Variants in CHKA observed in about 807,000 individuals in gnomAD.
The protein encoded by CHKA is CHETK-alpha.
In CHKA, 34 loss-of-function variants were observed where a neutral mutation model predicts 60.1. The ratio of observed to expected loss-of-function variants is 0.57; its 90% CI spans 0.43 to 0.75. The LOEUF is 0.75. Among genes scored for constraint, CHKA ranks in the 30% least tolerant of loss-of-function variants. CHKA has a pLI of 0.00. For synonymous variants in CHKA, 217 were observed against 223.1 expected (o/e 0.97, Z 0.24); for missense variants, 563 against 561.3 (o/e 1.00, Z -0.03).
chr11:68,060,614 A>G (rs1453878637), intron 11 of CHKA, among the ~76,000 whole-genome samples: 1 of 152,198 alleles, frequency 6.6e-6, no homozygotes, highest in African/African-American at 2.4e-5. Context: ...ACCGGCCGAG[A>G]TCACCAACTT....
At chr11:68,075,223 T>C (rs1196020494) in intron 3 of CHKA, among the ~76,000 whole-genome samples, 1 of 152,174 alleles carries the variant, frequency 6.6e-6, no homozygotes, top group African/African-American at 2.4e-5. Context: ...GATTTGCTTT[T>C]GGTTGAGTGT....
intron 7 of CHKA, among the ~76,000 whole-genome samples, chr11:68,068,440 C>T (rs1185025583): frequency 2.7e-5 from 4 of 147,008 alleles, no homozygotes; most frequent in Non-Finnish European, 4.5e-5. Context: ...TTTTTTTTAA[C>T]AGGATCTTGC....
At chr11:68,059,025 T>C (rs926577507) in intron 11 of CHKA, among the ~76,000 whole-genome samples, 1 of 152,170 alleles carries the variant, frequency 6.6e-6, no homozygotes, top group Non-Finnish European at 1.5e-5. Context: ...GTTTCCTGAG[T>C]AGCTGGGATT....
chr11:68,054,288 G>A (rs886181206), intron 11 of CHKA, among the ~76,000 whole-genome samples: 1 of 152,198 alleles, frequency 6.6e-6, no homozygotes, highest in Non-Finnish European at 1.5e-5. Flanking sequence ...TTATAGGCAT[G>A]GGCCAGCCCA....
intron 1 of CHKA, among the ~76,000 whole-genome samples, chr11:68,109,563 G>A (rs973884159): frequency 1.3e-5 from 2 of 152,272 alleles, no homozygotes; most frequent in African/African-American, 2.4e-5. Flanking sequence ...TAAGCGGGGA[G>A]GAGAACTAAG....
intron 1 of CHKA, among the ~76,000 whole-genome samples, chr11:68,113,135 AC>A (rs1201247040): frequency 1.3e-5 from 2 of 149,852 alleles, no homozygotes; most frequent in African/African-American, 2.4e-5. Flanking sequence ...AAAAAAAAAA[AC>A]AATTAAATTA....
chr11:68,073,938 C>T (rs551014665), intron 4 of CHKA, among the ~76,000 whole-genome samples: 2 of 152,288 alleles, frequency 1.3e-5, no homozygotes, highest in Admixed American at 1.3e-4. Flanking sequence ...GAAGAGAGTG[C>T]AGGCTGACAA....
At chr11:68,117,635 C>T (rs746425389) in intron 1 of CHKA, among the ~76,000 whole-genome samples, 2 of 151,740 alleles carry the variant, frequency 1.3e-5, no homozygotes, top group Non-Finnish European at 2.9e-5. Flanking sequence ...TGCAGCTAGC[C>T]GAGATCACAC....
intron 11 of CHKA, among the ~76,000 whole-genome samples, chr11:68,057,336 T>C (rs1490399399): frequency 2.0e-5 from 3 of 152,250 alleles, no homozygotes; most frequent in Non-Finnish European, 4.4e-5. Flanking sequence ...TTTTTCTTTT[T>C]TGAGACGGAG....
rs765529707 is a variant in CHKA, at chr11:68,097,060, G to C, written c.421C>G (p.Arg141Gly). 6.2e-7 allele frequency: 1 copy of C among 1,613,636 alleles called. No homozygotes were observed. The highest frequency in any genetic ancestry group is 8.5e-7 in the Non-Finnish European group (1 of 1,179,814). ...DTTATLGDEP[R>G]KVLLRLYGAI... ...CCATACAGCCGCAGGAGCACTTTCC[G>C]AGGCTCATCACCAAGGGTGGCTGTG... The change falls in exon 2 of 12, where the codon CGG becomes GGG. Residue 141 changes from arginine to glycine, a missense_variant. Physicochemically the swap from Arg to Gly is moderately radical, Grantham distance 125 (BLOSUM62 -2). Transcript: ENST00000265689.
Position 68,053,738 on chromosome 11 carries a change from A to G in CHKA, c.*250T>C. 2.4e-6 allele frequency: 1 copy of G among 419,592 alleles called. No individual in the cohort carries two copies. Among genetic ancestry groups the G allele is most frequent in the African/African-American group, 2.0e-5 (1 of 49,436 alleles). The allele number at this position is 419,592 out of a possible 1,614,324, so 26.0% of individuals were successfully genotyped here. A position where few individuals can be genotyped will look rare whatever the true frequency, so the allele number is the denominator to read the frequency against. On this transcript the variant is annotated 3_prime_UTR_variant, in exon 12 of 12. Coordinates refer to ENST00000265689, the MANE Select transcript of CHKA (RefSeq NM_001277.3). ...TGCCTTCTCTAGATTAAAAGGATTC[A>G]GAGATGTTGCACTATTGCACTATAT...
chr11:68,057,326 T>C (rs1207761213), intron 11 of CHKA, among the ~76,000 whole-genome samples: 1 of 152,196 alleles, frequency 6.6e-6, no homozygotes, highest in Non-Finnish European at 1.5e-5. Context: ...AGCTTTTCTT[T>C]TTTTCTTTTT....
In CHKA at chr11:68,053,534, T is replaced by C. The variant is rs1289090937; in HGVS notation, c.*454A>G. ...TTGCAGTACATCTCTGCTCACTTGCTGTCCCTTGGGAGTGAGCACCGTCTA... is the reference window on the plus strand; with the variant it reads ...TTGCAGTACATCTCTGCTCACTTGCCGTCCCTTGGGAGTGAGCACCGTCTA... On this transcript the variant is annotated 3_prime_UTR_variant, in exon 12 of 12. Coordinates refer to ENST00000265689, the MANE Select transcript of CHKA (RefSeq NM_001277.3). 1 of 154,616 alleles carries C rather than the reference T, an allele frequency of 6.5e-6. No homozygotes were observed. The highest frequency in any genetic ancestry group is 1.9e-4 in the East Asian group (1 of 5,252). The allele number at this position is 154,616 out of a possible 1,614,324, so 9.6% of individuals were successfully genotyped here. A position where few individuals can be genotyped will look rare whatever the true frequency, so the allele number is the denominator to read the frequency against.
chr11:68,085,254 C>T (rs1857143665), intron 2 of CHKA, among the ~76,000 whole-genome samples: 1 of 152,126 alleles, frequency 6.6e-6, no homozygotes, highest in Admixed American at 6.6e-5. Flanking sequence ...GACTGGGTCT[C>T]GCTCTGTCTC....
intron 2 of CHKA, among the ~76,000 whole-genome samples, chr11:68,094,891 A>G (rs1295818166): frequency 6.6e-6 from 1 of 152,222 alleles, no homozygotes; most frequent in Admixed American, 6.5e-5. Context: ...AAGCTATCCA[A>G]TTAAAGGGTT....
At chr11:68,112,305 G>A (rs946053184) in intron 1 of CHKA, among the ~76,000 whole-genome samples, 1 of 152,024 alleles carries the variant, frequency 6.6e-6, no homozygotes, top group Non-Finnish European at 1.5e-5. Flanking sequence ...GCAACAGTCT[G>A]GAGTGCAGTG....
chr11:68,120,924 G>A lies in CHKA; in HGVS notation c.254C>T (p.Pro85Leu), dbSNP rs1858614886. The A allele has an allele frequency of 2.5e-6, 3 of 1,204,370 alleles. No individual in the cohort carries two copies. Among genetic ancestry groups the A allele is most frequent in the Non-Finnish European group, 3.1e-6 (3 of 962,312 alleles). 74.6% of individuals were successfully genotyped at this position (1,204,370 alleles called of 1,614,324 possible). A position where few individuals can be genotyped will look rare whatever the true frequency, so the allele number is the denominator to read the frequency against. Residue 85 changes from proline to leucine, a missense_variant, in exon 1 of 12, where the codon CCC (proline) becomes CTC (leucine). By Grantham distance (98) the Pro-to-Leu change is moderately conservative. Transcript: ENST00000265689. ...PQPPADEQPE[P>L]RTRRRAYLWC... ...CAGATAGGCCCTGCGCCGCGTCCGG[G>A]GCTCCGGCTGCTCGTCTGCGGGCGG... is the stretch of plus-strand genomic sequence containing the variant.
Position 68,061,992 on chromosome 11 carries a change from A to C in CHKA, c.1275T>G (p.Ile425Met). The change falls in exon 11 of 12, where the codon ATT becomes ATG. Residue 425 changes from isoleucine to methionine, a missense_variant. By Grantham distance (10) the Ile-to-Met change is conservative (BLOSUM62 1). Coordinates refer to ENST00000265689, the MANE Select transcript of CHKA (RefSeq NM_001277.3). ...CAATAGATGAAATCTTGGCTTGTAC[A>C]ATGGACCACAGTCCCCAGAGGAAAT... The part of the protein sequence containing the change: ...ASHFLWGLWS[I>M]VQAKISSIEF... 1.9e-6 allele frequency: 3 copies of C among 1,599,932 alleles called. No homozygotes were observed. Among genetic ancestry groups the C allele is most frequent in the Non-Finnish European group, 8.5e-7 (1 of 1,172,744 alleles).
intron 1 of CHKA, among the ~76,000 whole-genome samples, chr11:68,109,311 G>C (rs991316130): frequency 6.6e-6 from 1 of 151,846 alleles, no homozygotes; most frequent in African/African-American, 2.4e-5. Context: ...GGATGGTCTC[G>C]ATCTCCTGAC....
Sources: gnomAD v4.1 joint callset for allele counts (sites outside exome capture counted in the v4.1 genomes callset) on GRCh38, gnomAD v4.1.1 for gene constraint, MANE v1.5 for transcripts, NCBI Gene and HGNC (gene_info 2026-07-23, HGNC 2026-07-21) for gene names.